The following UHRF2 variants were observed in gnomAD, a reference collection of about 807,000 sequenced individuals.
UHRF2 encodes ubiquitin like with PHD and ring finger domains 2, also known as E3 ubiquitin-protein ligase UHRF2.
A neutral mutation model predicts 96.8 loss-of-function variants in UHRF2; 23 were observed. The observed-to-expected ratio is 0.24, with a 90% CI of 0.17 to 0.34. UHRF2 has a LOEUF of 0.34. UHRF2 is among the 10% of genes least tolerant of loss of function. The pLI is 1.00. For synonymous variants in UHRF2, 385 were observed against 332.6 expected (o/e 1.16, Z -1.72); for missense variants, 685 against 981.5 (o/e 0.70, Z 4.04).
intron 9 of UHRF2, among the ~76,000 whole-genome samples, chr9:6,489,671 A>G (rs529153246): frequency 1.3e-5 from 2 of 148,874 alleles, no homozygotes; most frequent in South Asian, 4.2e-4. Context: ...CCATCTGTAT[A>G]GCCTCTTTAG....
rs1171172143 is a variant in UHRF2 at position 6,428,533 on chromosome 9, C to CTTTTTTTTTTTTTTTTTT, written c.385-5360_385-5343dup. 4.4e-4 allele frequency among the ~76,000 whole-genome samples: 29 copies of CTTTTTTTTTTTTTTTTTT among 65,418 alleles called. 4 individuals are homozygous for CTTTTTTTTTTTTTTTTTT. Among genetic ancestry groups the CTTTTTTTTTTTTTTTTTT allele is most frequent in the Non-Finnish European group, 5.8e-4 (22 of 37,888 alleles). The allele number at this position is 65,418 out of a possible 152,430, so 42.9% of individuals were successfully genotyped here. ...TGTAAATGGAACCATATTGCTTTTG[C>CTTTTTTTTTTTTTTTTTT]TTTTTTTTTTTTTTTTTTTTTTTTT... On this transcript the variant is annotated intron_variant, in intron 2 of 15. Coordinates refer to ENST00000276893, the MANE Select transcript of UHRF2 (RefSeq NM_152896.3).
At position 6,477,642 on chromosome 9, in the gene UHRF2, G is replaced by T; in HGVS notation, c.994G>T (p.Asp332Tyr). ...AATAGGGCGAAATGACCCTGAATGT[G>T]ACCTGTGTGGTGGAGACCCAGAAAA... ...KFLRRNDPEC[D>Y]LCGGDPEKKC... Residue 332 changes from aspartate (D) to tyrosine (Y), a missense_variant, in exon 6 of 16, where the codon GAC (aspartate) becomes TAC (tyrosine). Asp to Tyr is a radical substitution (Grantham distance 160). Transcript: ENST00000276893. 1 of 1,612,704 alleles carries T rather than the reference G, an allele frequency of 6.2e-7. No homozygotes were observed.
intron 4 of UHRF2, among the ~76,000 whole-genome samples, chr9:6,469,995 T>A (rs1346551155): frequency 6.6e-6 from 1 of 152,020 alleles, no homozygotes; most frequent in African/African-American, 2.4e-5. Context: ...AAACTAAAGA[T>A]AACACAGTGA....
chr9:6,422,323 G>GCC (rs1400537499), intron 2 of UHRF2, among the ~76,000 whole-genome samples: 4 of 152,032 alleles, frequency 2.6e-5, no homozygotes, highest in Non-Finnish European at 5.9e-5. Context: ...CTCCTCATCT[G>GCC]CCCTCCTCGG....
chr9:6,500,410 C>G, intron 13 of UHRF2, 142 bp from the exon 14 acceptor site: 1 of 682,140 alleles, frequency 1.5e-6, no homozygotes, highest in Admixed American at 3.6e-5. Flanking sequence ...TAACAGTATC[C>G]TAAATTTTAG....
intron 3 of UHRF2, among the ~76,000 whole-genome samples, chr9:6,446,962 C>T (rs758345211): frequency 6.6e-6 from 1 of 152,158 alleles, no homozygotes; most frequent in Non-Finnish European, 1.5e-5. Context: ...AATCTCGGCT[C>T]ACTGCAAGCT....
At chr9:6,425,751 C>G (rs1820220160) in intron 2 of UHRF2, among the ~76,000 whole-genome samples, 1 of 144,588 alleles carries the variant, frequency 6.9e-6, no homozygotes, top group Admixed American at 7.2e-5. Flanking sequence ...GTGAGTGAGA[C>G]TTCGTCTCAA....
At chr9:6,489,587 T>A (rs1587869834) in intron 9 of UHRF2, among the ~76,000 whole-genome samples, 2 of 152,264 alleles carry the variant, frequency 1.3e-5, no homozygotes, top group African/African-American at 4.8e-5. Context: ...CTGTTGTTGC[T>A]GTTTTTTGTT....
chr9:6,422,114 A>G (rs1819963428), intron 2 of UHRF2, among the ~76,000 whole-genome samples: 1 of 152,206 alleles, frequency 6.6e-6, no homozygotes, highest in African/African-American at 2.4e-5. Context: ...TAGAAGTGCT[A>G]GTTGTTCACC....
At chr9:6,437,299 C>G (rs1820909276) in intron 3 of UHRF2, among the ~76,000 whole-genome samples, 1 of 152,224 alleles carries the variant, frequency 6.6e-6, no homozygotes. Context: ...GTGGCACGAT[C>G]TCGGCTCGCT....
rs528265940 is a variant in UHRF2 at position 6,439,520 on chromosome 9, A to C, written c.644+5347A>C. On this transcript the variant is annotated intron_variant, in intron 3 of 15. Coordinates refer to ENST00000276893, the MANE Select transcript of UHRF2 (RefSeq NM_152896.3). ...CGTTAAGCTGTCAACTTTGTGGTTC[A>C]CACCTTTATGCAGATAGTGCAAAGC... 1.1e-4 allele frequency among the ~76,000 whole-genome samples: 16 copies of C among 152,356 alleles called. No homozygotes were observed. In the South Asian group the frequency reaches 3.3e-3, roughly 32 times the overall value.
intron 1 of UHRF2, among the ~76,000 whole-genome samples, chr9:6,418,366 A>C (rs1819735575): frequency 6.6e-6 from 1 of 151,832 alleles, no homozygotes; most frequent in Non-Finnish European, 1.5e-5. Context: ...TATTTAGAGT[A>C]AGCATGGTAA....
chr9:6,503,574 A>G (rs1223490929), intron 14 of UHRF2, among the ~76,000 whole-genome samples: 1 of 152,186 alleles, frequency 6.6e-6, no homozygotes, highest in Admixed American at 6.5e-5. Context: ...GATTGAGGTA[A>G]AATATGACAG....
chr9:6,436,833 C>G (rs1820875695), intron 3 of UHRF2, among the ~76,000 whole-genome samples: 1 of 152,132 alleles, frequency 6.6e-6, no homozygotes, highest in African/African-American at 2.4e-5. Flanking sequence ...TGTGAAAAGA[C>G]TAAAATTACC....
intron 15 of UHRF2, among the ~76,000 whole-genome samples, chr9:6,505,754 G>A (rs1426360427): frequency 6.6e-6 from 1 of 152,194 alleles, no homozygotes; most frequent in South Asian, 2.1e-4. Context: ...TAGGCTAGTG[G>A]CAACCATATG....
chr9:6,448,807 T>C (rs1821676871), intron 3 of UHRF2, among the ~76,000 whole-genome samples: 1 of 152,248 alleles, frequency 6.6e-6, no homozygotes, highest in Admixed American at 6.5e-5. Context: ...CTTGTCTTCA[T>C]TGTAAGCCTT....
chr9:6,491,958 C>T (rs1006986231), intron 9 of UHRF2, among the ~76,000 whole-genome samples: 1 of 152,146 alleles, frequency 6.6e-6, no homozygotes, highest in Non-Finnish European at 1.5e-5. Flanking sequence ...GTCTTGAACT[C>T]CTGGGCTCAA....
chr9:6,458,306 G>A (rs151189520), intron 3 of UHRF2, among the ~76,000 whole-genome samples: 2,088 of 152,162 alleles, frequency 0.014, 46 homozygotes, highest in African/African-American at 0.047. Context: ...TTCTCTGATG[G>A]TAGTTTGTAT....
chr9:6,460,883 G>A, intron 4 of UHRF2, 92 bp downstream of exon 4: 3 of 1,008,794 alleles, frequency 3.0e-6, no homozygotes, highest in Non-Finnish European at 4.2e-6. Context: ...AGTAAAAAAA[G>A]ATGGAGTCTA....
Sources: allele counts gnomAD v4.1 joint callset (sites outside exome capture counted in the v4.1 genomes callset), GRCh38; gene constraint gnomAD v4.1.1; transcripts MANE v1.5; gene names NCBI Gene and HGNC (gene_info 2026-07-23, HGNC 2026-07-21).